Variants in FARS2 observed in about 807,000 individuals in gnomAD.
The protein encoded by FARS2 is phenylalanyl-tRNA synthetase 2, mitochondrial.
A neutral mutation model predicts 46.4 loss-of-function variants in FARS2; 40 were observed. The observed-to-expected ratio is 0.86, with a 90% CI of 0.67 to 1.12. The LOEUF (loss-of-function observed/expected upper bound fraction) is 1.12. Ranked by LOEUF, FARS2 falls within the 50% of genes most tolerant of loss-of-function variation. The pLI, the probability that FARS2 is intolerant of heterozygous loss-of-function variation, is 0.00. For synonymous variants in FARS2, 234 were observed against 214.9 expected (o/e 1.09, Z -0.78); for missense variants, 513 against 567.9 (o/e 0.90, Z 0.98).
chr6:5,324,475 C>T lies in FARS2; in HGVS notation c.-21-44075C>T, dbSNP rs143081655. 7.2e-3 allele frequency among the ~76,000 whole-genome samples: 844 copies of T among 116,894 alleles called. 17 individuals carry two copies. The highest frequency in any genetic ancestry group is 0.027 in the African/African-American group (808 of 30,066). The allele number at this position is 116,894 out of a possible 152,430, so 76.7% of individuals were successfully genotyped here. ...TTTTTTTTTTTTTTTTTAACCAAGA[C>T]GTTGGTTACAATTCCATCCTACTAT... is the stretch of plus-strand genomic sequence containing the variant. On this transcript the variant is annotated intron_variant, in intron 1 of 6. Coordinates refer to ENST00000274680, the MANE Select transcript of FARS2 (RefSeq NM_006567.5).
intron 6 of FARS2, among the ~76,000 whole-genome samples, chr6:5,632,259 A>G (rs375675038): frequency 2.0e-5 from 3 of 152,252 alleles, no homozygotes; most frequent in African/African-American, 7.2e-5. Context: ...AGGCGTTTCA[A>G]CTCTGAATCC....
At chr6:5,385,746 G>A (rs1760088282) in intron 2 of FARS2, among the ~76,000 whole-genome samples, 1 of 152,126 alleles carries the variant, frequency 6.6e-6, no homozygotes, top group Non-Finnish European at 1.5e-5. Context: ...GGTAAGAAAT[G>A]TGAGTGTGCT....
At chr6:5,605,184 A>G (rs189020271) in intron 5 of FARS2, among the ~76,000 whole-genome samples, 1 of 152,174 alleles carries the variant, frequency 6.6e-6, no homozygotes, top group Non-Finnish European at 1.5e-5. Context: ...ATCACTACAG[A>G]CCAGAGACAA....
chr6:5,530,171 C>T (rs1769733228), intron 4 of FARS2, among the ~76,000 whole-genome samples: 1 of 152,130 alleles, frequency 6.6e-6, no homozygotes, highest in African/African-American at 2.4e-5. Context: ...GATGTGTCAC[C>T]TGGAGAAGGA....
intron 2 of FARS2, among the ~76,000 whole-genome samples, chr6:5,375,166 A>G (rs1759298249): frequency 6.6e-6 from 1 of 152,110 alleles, no homozygotes; most frequent in Non-Finnish European, 1.5e-5. Context: ...TTGATGCTTT[A>G]CCTAGAAAAA....
chr6:5,493,224 A>G lies in FARS2; in HGVS notation c.905-51956A>G, dbSNP rs566476035. Among the ~76,000 whole-genome samples, 1,036 of 151,780 alleles carry G rather than the reference A, an allele frequency of 6.8e-3. 15 individuals carry two copies. Among genetic ancestry groups the G allele is most frequent in the African/African-American group, 0.023 (964 of 41,416 alleles). On this transcript the variant is annotated intron_variant, in intron 4 of 6. Coordinates refer to ENST00000274680, the MANE Select transcript of FARS2 (RefSeq NM_006567.5). ...GACTGTGTCTCAAAAAAAAAAAAAA[A>G]AAAAGAAAAAGAAAGAAATGAGCCA...
chr6:5,399,559 T>C (rs1244192343), intron 2 of FARS2, among the ~76,000 whole-genome samples: 2 of 152,202 alleles, frequency 1.3e-5, no homozygotes, highest in African/African-American at 2.4e-5. Context: ...ACCCCCACTC[T>C]GCCATTCATT....
chr6:5,636,869 C>A (rs144961575), intron 6 of FARS2, among the ~76,000 whole-genome samples: 1 of 152,336 alleles, frequency 6.6e-6, no homozygotes, highest in East Asian at 1.9e-4. Context: ...GTTACTCTCC[C>A]TGAGCCACTA....
At chr6:5,758,005 G>C (rs1582890232) in intron 6 of FARS2, among the ~76,000 whole-genome samples, 1 of 152,320 alleles carries the variant, frequency 6.6e-6, no homozygotes, top group East Asian at 1.9e-4. Context: ...AGTTTGTTAT[G>C]TTAGCTCTTC....
intron 5 of FARS2, among the ~76,000 whole-genome samples, chr6:5,569,061 A>T (rs1366934046): frequency 6.6e-6 from 1 of 151,566 alleles, no homozygotes; most frequent in Non-Finnish European, 1.5e-5. Flanking sequence ...TCTCGGTGCA[A>T]ACTGGGATTG....
intron 6 of FARS2, among the ~76,000 whole-genome samples, chr6:5,647,901 C>T (rs1035866226): frequency 2.0e-5 from 3 of 152,182 alleles, no homozygotes; most frequent in East Asian, 1.9e-4. Context: ...GCCACATCAC[C>T]GTGGTTTGAA....
At chr6:5,581,984 T>G (rs796378029) in intron 5 of FARS2, among the ~76,000 whole-genome samples, 1 of 97,332 alleles carries the variant, frequency 1.0e-5, no homozygotes, top group Non-Finnish European at 2.2e-5. Context: ...CACAGTAAGA[T>G]ACTTCCGGTT....
At chr6:5,296,342 T>A (rs528702552) in intron 1 of FARS2, among the ~76,000 whole-genome samples, 2 of 151,878 alleles carry the variant, frequency 1.3e-5, no homozygotes, top group Non-Finnish European at 2.9e-5. Flanking sequence ...GGGGTTTCAC[T>A]GTGTTAGCCA....
intron 5 of FARS2, among the ~76,000 whole-genome samples, chr6:5,577,268 G>A (rs940765076): frequency 6.6e-6 from 1 of 152,098 alleles, no homozygotes; most frequent in Non-Finnish European, 1.5e-5. Flanking sequence ...GGAAAACAGA[G>A]AAGCAATAAT....
intron 3 of FARS2, among the ~76,000 whole-genome samples, chr6:5,422,114 C>CA (rs1762583101): frequency 6.6e-6 from 1 of 152,140 alleles, no homozygotes; most frequent in African/African-American, 2.4e-5. Flanking sequence ...AGGTGAAAGG[C>CA]CCATCTGACA....
intron 6 of FARS2, among the ~76,000 whole-genome samples, chr6:5,648,961 AC>A: frequency 6.6e-6 from 1 of 152,158 alleles, no homozygotes; most frequent in East Asian, 1.9e-4. Flanking sequence ...GTATAAAACA[AC>A]ATTGTCCTGT....
chr6:5,513,808 C>T (rs548495315), intron 4 of FARS2, among the ~76,000 whole-genome samples: 71 of 152,144 alleles, frequency 4.7e-4, no homozygotes, highest in African/African-American at 1.5e-3. Flanking sequence ...TAAGTGGGCA[C>T]GTAGGCCCTA....
At chr6:5,532,746 G>T in intron 4 of FARS2, among the ~76,000 whole-genome samples, 1 of 150,476 alleles carries the variant, frequency 6.6e-6, no homozygotes, top group Non-Finnish European at 1.5e-5. Flanking sequence ...GTGAGACTCT[G>T]TTTCAAAAGT....
At chr6:5,505,729 A>G (rs1768061251) in intron 4 of FARS2, among the ~76,000 whole-genome samples, 1 of 152,108 alleles carries the variant, frequency 6.6e-6, no homozygotes, top group African/African-American at 2.4e-5. Flanking sequence ...ATGTTTCTCA[A>G]CTTTGCACTT....
Sources: allele counts gnomAD v4.1 joint callset (sites outside exome capture counted in the v4.1 genomes callset), GRCh38; gene constraint gnomAD v4.1.1; transcripts MANE v1.5; gene names NCBI Gene and HGNC (gene_info 2026-07-23, HGNC 2026-07-21).